Variants in MDGA2 observed in about 807,000 individuals in gnomAD.
MDGA2 encodes MAM domain containing glycosylphosphatidylinositol anchor 2.
Under a neutral mutation model 117.8 loss-of-function variants are expected in MDGA2, and 40 were observed. The ratio of observed to expected loss-of-function variants is 0.34; its 90% CI spans 0.26 to 0.44. The LOEUF is 0.44. Among genes scored for constraint, MDGA2 ranks in the 20% least tolerant of loss-of-function variants. The pLI, the probability that MDGA2 is intolerant of heterozygous loss-of-function variation, is 1.00. For synonymous variants in MDGA2, 452 were observed against 439.0 expected (o/e 1.03, Z -0.37); for missense variants, 1,123 against 1,250.6 (o/e 0.90, Z 1.54).
chr14:47,018,347 T>A (rs896006128), intron 8 of MDGA2, among the ~76,000 whole-genome samples: 23 of 152,032 alleles, frequency 1.5e-4, no homozygotes, highest in Non-Finnish European at 3.2e-4. Flanking sequence ...AGATGGGAAT[T>A]AACAAAAGGC....
At chr14:47,095,369 A>G (rs913136776) in intron 6 of MDGA2, among the ~76,000 whole-genome samples, 3 of 151,986 alleles carry the variant, frequency 2.0e-5, no homozygotes, top group Admixed American at 1.3e-4. Context: ...CGTATAGAAA[A>G]CCATGATCAT....
At chr14:47,365,697 A>T (rs1356430514) in intron 1 of MDGA2, among the ~76,000 whole-genome samples, 1 of 152,256 alleles carries the variant, frequency 6.6e-6, no homozygotes, top group Non-Finnish European at 1.5e-5. Flanking sequence ...GGTGTGGCCA[A>T]CATATTTAGA....
chr14:46,943,304 G>A (rs957332474), intron 9 of MDGA2, among the ~76,000 whole-genome samples: 10 of 152,008 alleles, frequency 6.6e-5, no homozygotes, highest in African/African-American at 2.4e-4. Context: ...GTAGAAAACA[G>A]TGTGTATCTT....
At chr14:47,633,566 C>T (rs1897275440) in intron 1 of MDGA2, among the ~76,000 whole-genome samples, 1 of 152,080 alleles carries the variant, frequency 6.6e-6, no homozygotes, top group Admixed American at 6.6e-5. Context: ...GTAAACATGA[C>T]AAAACTAAGT....
chr14:47,580,965 A>G (rs865977816), intron 1 of MDGA2, among the ~76,000 whole-genome samples: 2 of 152,166 alleles, frequency 1.3e-5, no homozygotes, highest in African/African-American at 4.8e-5. Context: ...ATGATTGCTA[A>G]TAAGTTTGAA....
chr14:47,113,862 T>C (rs191029909), intron 5 of MDGA2, among the ~76,000 whole-genome samples: 25 of 152,164 alleles, frequency 1.6e-4, no homozygotes, highest in Admixed American at 2.6e-4. Flanking sequence ...AAGAATGCCA[T>C]CTCTCACCAA....
chr14:47,257,115 A>G (rs1887647114), intron 2 of MDGA2, among the ~76,000 whole-genome samples: 1 of 152,138 alleles, frequency 6.6e-6, no homozygotes, highest in South Asian at 2.1e-4. Flanking sequence ...GGCTTGCAGT[A>G]TTTGTACTCC....
chr14:46,902,107 T>C (rs1883309570), intron 10 of MDGA2, among the ~76,000 whole-genome samples: 1 of 152,094 alleles, frequency 6.6e-6, no homozygotes, highest in South Asian at 2.1e-4. Flanking sequence ...CAAGAAGGAG[T>C]TTTATGCAAA....
intron 1 of MDGA2, among the ~76,000 whole-genome samples, chr14:47,561,279 T>C (rs1484452369): frequency 6.6e-6 from 1 of 151,784 alleles, no homozygotes; most frequent in Admixed American, 6.6e-5. Context: ...ATGTCATTGG[T>C]AGTTTTACAG....
chr14:47,580,916 A>G (rs1182083948), intron 1 of MDGA2, among the ~76,000 whole-genome samples: 1 of 152,018 alleles, frequency 6.6e-6, no homozygotes, highest in Admixed American at 6.6e-5. Context: ...TGGCTGGCTT[A>G]CCAGATTTCT....
intron 8 of MDGA2, among the ~76,000 whole-genome samples, chr14:46,994,951 A>G (rs967386931): frequency 6.6e-6 from 1 of 152,090 alleles, no homozygotes; most frequent in Non-Finnish European, 1.5e-5. Context: ...CTTTATCCAC[A>G]AGTATCATTC....
At chr14:46,864,417 T>C (rs1881641404) in intron 14 of MDGA2, among the ~76,000 whole-genome samples, 1 of 151,436 alleles carries the variant, frequency 6.6e-6, no homozygotes, top group Non-Finnish European at 1.5e-5. Context: ...TTTAGTTCTT[T>C]ACATTTTAGT....
chr14:47,597,518 T>G (rs1460450102), intron 1 of MDGA2, among the ~76,000 whole-genome samples: 1 of 152,078 alleles, frequency 6.6e-6, no homozygotes, highest in African/African-American at 2.4e-5. Flanking sequence ...TGGAATACAT[T>G]AAGTCTTTTA....
intron 9 of MDGA2, among the ~76,000 whole-genome samples, chr14:46,935,367 T>C (rs1884742472): frequency 6.6e-6 from 1 of 152,166 alleles, no homozygotes; most frequent in Non-Finnish European, 1.5e-5. Flanking sequence ...CTTGATTCCC[T>C]GCTGAAGACT....
intron 6 of MDGA2, among the ~76,000 whole-genome samples, chr14:47,088,878 A>G (rs2138935234): frequency 6.6e-6 from 1 of 152,334 alleles, no homozygotes; most frequent in African/African-American, 2.4e-5. Context: ...AGTTCTATCA[A>G]GTCCTTCAAA....
At chr14:47,116,978 A>C (rs894042906) in intron 5 of MDGA2, among the ~76,000 whole-genome samples, 1 of 152,096 alleles carries the variant, frequency 6.6e-6, no homozygotes, top group African/African-American at 2.4e-5. Flanking sequence ...CAGCCTATTA[A>C]GTGGGAGAAA....
At chr14:47,263,721 CAGA>C (rs1377105217) in intron 2 of MDGA2, among the ~76,000 whole-genome samples, 3 of 152,096 alleles carry the variant, frequency 2.0e-5, no homozygotes, top group Admixed American at 6.6e-5. Flanking sequence ...TTGCATTTGG[CAGA>C]AGATGATTTG....
At chr14:47,101,369 C>T (rs959525352) in intron 5 of MDGA2, among the ~76,000 whole-genome samples, 5 of 152,122 alleles carry the variant, frequency 3.3e-5, no homozygotes, top group Admixed American at 1.3e-4. Flanking sequence ...ACCTCTTCTC[C>T]TGGCAAACAA....
chr14:47,579,133 C>T (rs1896181021), intron 1 of MDGA2, among the ~76,000 whole-genome samples: 1 of 151,984 alleles, frequency 6.6e-6, no homozygotes, highest in Admixed American at 6.6e-5. Flanking sequence ...AACATACTAA[C>T]CTCTTTTCCA....
Sources: allele counts gnomAD v4.1 joint callset (sites outside exome capture counted in the v4.1 genomes callset), GRCh38; gene constraint gnomAD v4.1.1; transcripts MANE v1.5; gene names NCBI Gene and HGNC (gene_info 2026-07-23, HGNC 2026-07-21).